ALDH3B2: variants seen among roughly 807,000 people sequenced by gnomAD.
The protein encoded by ALDH3B2 is aldehyde dehydrogenase family 3 member B2.
A neutral mutation model predicts 36.7 loss-of-function variants in ALDH3B2; 45 were observed. The ratio of observed to expected loss-of-function variants is 1.23; its 90% confidence interval spans 0.97 to 1.57. ALDH3B2 has a LOEUF of 1.57. ALDH3B2 is among the 40% of genes most tolerant of loss of function. ALDH3B2 has a pLI of 0.00. For missense variants in ALDH3B2, 464 were observed against 513.3 expected (o/e 0.90, Z 0.93); for synonymous variants, 217 against 226.5 (o/e 0.96, Z 0.38).
At position 67,672,268 on chromosome 11, in the gene ALDH3B2, C is replaced by T. The variant is rs552430673; in HGVS notation, c.-245+2169G>A. On this transcript the variant is annotated intron_variant, in intron 1 of 9. Coordinates refer to ENST00000349015, the Ensembl canonical transcript of ALDH3B2. Reference sequence around the variant, plus strand: ...ATTCAAGCGATTCTCCTGCCTCAGCCTCCCGAATAGCTGAATAGCTGGGAT... The same window carrying T: ...ATTCAAGCGATTCTCCTGCCTCAGCTTCCCGAATAGCTGAATAGCTGGGAT... Among the ~76,000 whole-genome samples the T allele has an allele frequency of 2.4e-4, 37 of 151,060 alleles. 1 individual carries two copies. In the Middle Eastern group the frequency reaches 0.024, roughly 99 times the overall value.
chr11:67,676,520 C>T (rs1483330174), upstream of ALDH3B2, among the ~76,000 whole-genome samples: 2 of 151,678 alleles, frequency 1.3e-5, no homozygotes, highest in Admixed American at 6.6e-5. Context: ...AGAGCACAGA[C>T]AATCTAAGAT....
exon 9 of ALDH3B2, chr11:67,663,732 G>A (rs753669020): frequency 6.2e-7 from 1 of 1,612,780 alleles, no homozygotes; most frequent in East Asian, 2.2e-5. Flanking sequence ...AGCTGCCGCT[G>A]CTGGTCCGCT....
intron 7 of ALDH3B2, 74 bp downstream of exon 7, chr11:67,665,211 G>C: frequency 1.4e-5 from 22 of 1,525,682 alleles, no homozygotes; most frequent in Middle Eastern, 1.8e-4. Context: ...GTCCAGACTC[G>C]TGGCCCAGCC....
intron 7 of ALDH3B2, among the ~76,000 whole-genome samples, chr11:67,664,860 G>C (rs1448320397): frequency 6.6e-6 from 1 of 152,240 alleles, no homozygotes; most frequent in Non-Finnish European, 1.5e-5. Context: ...TGAGGCAGCA[G>C]CGTCCCAGAA....
exon 10 of ALDH3B2, chr11:67,663,393 C>A: frequency 6.2e-7 from 1 of 1,610,264 alleles, no homozygotes; most frequent in Non-Finnish European, 8.5e-7. Context: ...GCCCATCCCA[C>A]TGTGGCCTGT....
exon 7 of ALDH3B2, chr11:67,665,293 C>A (rs768579203): frequency 1.2e-6 from 2 of 1,605,884 alleles, no homozygotes; most frequent in East Asian, 2.2e-5. Flanking sequence ...ACCGATGTAG[C>A]GATCGCTCTC....
At chr11:67,669,186 ATGTG>A (rs1856005990) in intron 1 of ALDH3B2, among the ~76,000 whole-genome samples, 1 of 133,744 alleles carries the variant, frequency 7.5e-6, no homozygotes, top group South Asian at 2.5e-4. Context: ...GTGTATGGCT[ATGTG>A]TGTGTCTGTG....
upstream of ALDH3B2, among the ~76,000 whole-genome samples, chr11:67,679,020 G>T (rs190145089): frequency 2.0e-5 from 3 of 152,198 alleles, no homozygotes; most frequent in Non-Finnish European, 4.4e-5. Context: ...TTGGGGACTT[G>T]GAGGGAAGAG....
intron 1 of ALDH3B2, among the ~76,000 whole-genome samples, chr11:67,680,507 C>T (rs1303373972): frequency 1.3e-5 from 2 of 152,146 alleles, no homozygotes; most frequent in Non-Finnish European, 2.9e-5. Context: ...ACCTCTGCCT[C>T]CTGGGCTCAA....
At chr11:67,672,487 C>T (rs1856156129) in intron 1 of ALDH3B2, among the ~76,000 whole-genome samples, 1 of 151,988 alleles carries the variant, frequency 6.6e-6, no homozygotes, top group African/African-American at 2.4e-5. Context: ...TCCTGTCTCC[C>T]TAAAGTGTGT....
chr11:67,669,941 G>T (rs1411928500), intron 1 of ALDH3B2, among the ~76,000 whole-genome samples: 1 of 28,600 alleles, frequency 3.5e-5, no homozygotes, highest in African/African-American at 1.2e-4. Flanking sequence ...TCTGCGTATG[G>T]GTGTGTGTGT....
At chr11:67,668,072 G>A (rs913890757) in intron 1 of ALDH3B2, 1 of 152,478 alleles carries the variant, frequency 6.6e-6, no homozygotes, top group African/African-American at 2.4e-5. Flanking sequence ...CTCTCCCCTG[G>A]GCCTCCCTCC....
exon 4 of ALDH3B2, chr11:67,666,635 G>A (rs1326137795): frequency 3.7e-6 from 6 of 1,614,010 alleles, no homozygotes; most frequent in Non-Finnish European, 5.1e-6. Context: ...TCCAGGGTGC[G>A]ATGATGAGGA....
In ALDH3B2 at chr11:67,663,413, G is replaced by A; in HGVS notation, c.974-14C>T. 2.5e-6 allele frequency: 4 copies of A among 1,602,992 alleles called. No individual in the cohort carries two copies. The highest frequency in any genetic ancestry group is 1.7e-6 in the Non-Finnish European group (2 of 1,175,508). On this transcript the variant is annotated splice_polypyrimidine_tract_variant and intron_variant, in intron 9 of 9. Coordinates refer to ENST00000349015, the Ensembl canonical transcript of ALDH3B2. ...TCCCACTGTGGCCTGTGTGGGCACA[G>A]AGAACAAGGGCCTGAGACCAGGCAG...
chr11:67,664,254 A>C (rs1855833312), intron 8 of ALDH3B2, 142 bp downstream of exon 8: 1 of 1,313,236 alleles, frequency 7.6e-7, no homozygotes. Flanking sequence ...CGCCGGATGC[A>C]GTGGTACCAG....
chr11:67,664,021 G>A (rs4646824), intron 8 of ALDH3B2, among the ~76,000 whole-genome samples: 1 of 152,168 alleles, frequency 6.6e-6, no homozygotes, highest in East Asian at 1.9e-4. Flanking sequence ...GAGTCGCGAC[G>A]GTGAGGTTAG....
chr11:67,678,762 C>T (rs1031808501), upstream of ALDH3B2, among the ~76,000 whole-genome samples: 27 of 149,642 alleles, frequency 1.8e-4, no homozygotes, highest in African/African-American at 5.7e-4. Context: ...GATATATATA[C>T]ACGCTATGGT....
intron 1 of ALDH3B2, among the ~76,000 whole-genome samples, chr11:67,669,098 T>C (rs1856004347): frequency 6.6e-6 from 1 of 151,646 alleles, no homozygotes; most frequent in Non-Finnish European, 1.5e-5. Context: ...CGTGTGTCTT[T>C]GTGTGTCTGT....
At chr11:67,678,809 GGTATA>G (rs1180091635), upstream of ALDH3B2, among the ~76,000 whole-genome samples, 1 of 9,848 alleles carries the variant, frequency 1.0e-4, no homozygotes, top group Non-Finnish European at 1.6e-3. Flanking sequence ...ATACACTAAT[GGTATA>G]TATATATATA....
Sources: gnomAD v4.1 joint callset for allele counts (sites outside exome capture counted in the v4.1 genomes callset) on GRCh38, gnomAD v4.1.1 for gene constraint, MANE v1.5 for transcripts, NCBI Gene and HGNC (gene_info 2026-07-23, HGNC 2026-07-21) for gene names.